Variants in HIVEP2 observed in about 807,000 individuals in gnomAD.
HIVEP2 encodes transcription factor HIVEP2.
A neutral mutation model predicts 180.7 loss-of-function variants in HIVEP2; 14 were observed. The ratio of observed to expected loss-of-function variants is 0.08; its 90% confidence interval spans 0.05 to 0.12. The LOEUF (loss-of-function observed/expected upper bound fraction) is 0.12. Among genes scored for constraint, HIVEP2 ranks in the 10% least tolerant of loss-of-function variants. The pLI is 1.00. For synonymous variants in HIVEP2, 1,184 were observed against 1,136.4 expected (o/e 1.04, Z -0.84); for missense variants, 2,579 against 3,008.5 (o/e 0.86, Z 3.34).
Position 142,772,997 on chromosome 6 carries a change from G to A in HIVEP2, c.1742C>T (p.Thr581Ile), listed in dbSNP as rs765185884. ...CATGCGCTGAGGGGGTATGCCCACG[G>A]TCCCTGGATAGAATACATCGTCGGA... is the stretch of plus-strand genomic sequence containing the variant. Reference protein sequence around the residue: ...TGSDDVFYPGTVGIPPQRMLR... With the variant: ...TGSDDVFYPGIVGIPPQRMLR... The change falls in exon 5 of 10, where the codon ACC becomes ATC. Residue 581 changes from threonine to isoleucine, a missense_variant. Transcript: ENST00000367603. This position sits in a 1 kb window ranked among gnomAD's most constrained non-coding sequence, Gnocchi z 4.9. The A allele has an allele frequency of 2.5e-6, 4 of 1,614,134 alleles. No individual in the cohort carries two copies. In the East Asian group the frequency reaches 8.9e-5, roughly 36 times the overall value.
At position 142,753,014 on chromosome 6, in the gene HIVEP2, A is replaced by G. The variant is rs1305866607; in HGVS notation, c.*93T>C. 1.3e-6 allele frequency: 1 copy of G among 746,008 alleles called. No homozygotes were observed. The highest frequency in any genetic ancestry group is 2.4e-6 in the Non-Finnish European group (1 of 421,280). 46.2% of individuals were successfully genotyped at this position (746,008 alleles called of 1,614,324 possible). A position where few individuals can be genotyped will look rare whatever the true frequency, so the allele number is the denominator to read the frequency against. ...ATAGCAAACTACTGTAACTTAGGACAGGCATGCTATAAACTGGATTACCTC... is the reference window on the plus strand; with the variant it reads ...ATAGCAAACTACTGTAACTTAGGACGGGCATGCTATAAACTGGATTACCTC... On this transcript the variant is annotated 3_prime_UTR_variant, in exon 10 of 10. Coordinates refer to ENST00000367603, the MANE Select transcript of HIVEP2 (RefSeq NM_006734.4).
intron 1 of HIVEP2, among the ~76,000 whole-genome samples, chr6:142,859,278 G>A (rs184323766): frequency 5.9e-4 from 89 of 152,018 alleles, no homozygotes; most frequent in African/African-American, 2.0e-3. Flanking sequence ...GACCAGCCTG[G>A]GCAACAAAGG....
At chr6:142,817,792 G>A (rs954516052) in intron 2 of HIVEP2, among the ~76,000 whole-genome samples, 21 of 152,148 alleles carry the variant, frequency 1.4e-4, no homozygotes, top group Admixed American at 1.4e-3. Flanking sequence ...GCTGAAGCAG[G>A]GGGATAGCCT....
At chr6:142,818,771 AAGAAAG>A (rs1776937261) in intron 2 of HIVEP2, among the ~76,000 whole-genome samples, 1 of 148,518 alleles carries the variant, frequency 6.7e-6, no homozygotes, top group Non-Finnish European at 1.5e-5. Context: ...GAAAGAAAGA[AAGAAAG>A]AAAGAAAGAA....
At chr6:142,783,839 G>A (rs1775919107) in intron 2 of HIVEP2, among the ~76,000 whole-genome samples, 1 of 151,932 alleles carries the variant, frequency 6.6e-6, no homozygotes, top group Admixed American at 6.5e-5. Context: ...GGAATTCCCT[G>A]TAACAGTGAA....
Position 142,924,950 on chromosome 6 carries a change from A to C in HIVEP2, c.-641+20149T>G, listed in dbSNP as rs181587683. ...AAATCTGGAGTAACTGGTCCCTATA[A>C]TACTACTACTAAATACTTTCATAGT... On this transcript the variant is annotated intron_variant, in intron 1 of 9. Transcript: ENST00000367603. Among the ~76,000 whole-genome samples the C allele has an allele frequency of 2.6e-3, 392 of 152,306 alleles. 3 individuals are homozygous for C. Among genetic ancestry groups the C allele is most frequent in the Admixed American group, 0.012 (180 of 15,308 alleles).
chr6:142,793,553 A>C (rs779716471), intron 2 of HIVEP2, among the ~76,000 whole-genome samples: 1 of 152,066 alleles, frequency 6.6e-6, no homozygotes, highest in African/African-American at 2.4e-5. Flanking sequence ...ATTAAAAAGG[A>C]ACTCCATGTT....
rs1271790101 is a variant in HIVEP2 at position 142,774,529 on chromosome 6, G to A, written c.210C>T (p.Ala70=). 1.2e-6 allele frequency: 2 copies of A among 1,614,180 alleles called. No individual in the cohort carries two copies. Among genetic ancestry groups the A allele is most frequent in the Non-Finnish European group, 1.7e-6 (2 of 1,180,034 alleles). ...SAQLFGSGKL[A]SPSEVVQQVA... is the part of the protein sequence containing the mutation. The stretch of plus-strand genomic sequence containing the variant: ...CTTGCTGCACCACTTCACTAGGGGA[G>A]GCCAGTTTCCCAGAACCAAACAGTT... The change falls in exon 5 of 10, where the codon GCC becomes GCT. Residue 70 remains alanine (A), a synonymous_variant. Coordinates refer to ENST00000367603, the MANE Select transcript of HIVEP2 (RefSeq NM_006734.4). The surrounding 1 kb of genome is among the most constrained non-coding windows in gnomAD (Gnocchi z 5.1).
intron 1 of HIVEP2, among the ~76,000 whole-genome samples, chr6:142,909,064 G>C (rs1282924033): frequency 6.6e-6 from 1 of 152,124 alleles, no homozygotes; most frequent in East Asian, 1.9e-4. Context: ...TATCATTTTA[G>C]AGGTATCTAA....
chr6:142,944,371 C>A (rs1220955332), intron 1 of HIVEP2, among the ~76,000 whole-genome samples: 2 of 148,604 alleles, frequency 1.3e-5, no homozygotes, highest in South Asian at 2.1e-4. Context: ...ACCCCCCCCC[C>A]CCACCAAATA....
chr6:142,887,610 A>G (rs1302948260), intron 1 of HIVEP2, among the ~76,000 whole-genome samples: 2 of 152,218 alleles, frequency 1.3e-5, no homozygotes, highest in African/African-American at 4.8e-5. Context: ...TATTTCCATC[A>G]GCACTCTTAG....
intron 1 of HIVEP2, among the ~76,000 whole-genome samples, chr6:142,912,130 C>T (rs542782776): frequency 6.6e-6 from 1 of 152,290 alleles, no homozygotes; most frequent in East Asian, 1.9e-4. Flanking sequence ...ATAAAATTAG[C>T]ATTAAATAAA....
chr6:142,923,899 T>C (rs1777738823), intron 1 of HIVEP2, among the ~76,000 whole-genome samples: 1 of 152,210 alleles, frequency 6.6e-6, no homozygotes, highest in Admixed American at 6.5e-5. Context: ...AAATATGAAA[T>C]AGGTTTAAGA....
intron 2 of HIVEP2, among the ~76,000 whole-genome samples, chr6:142,833,184 C>T (rs1334565429): frequency 8.5e-5 from 13 of 152,170 alleles, no homozygotes; most frequent in Admixed American, 7.2e-4. Context: ...AAACCAACCC[C>T]CCCACCATGA....
At chr6:142,887,030 A>C (rs1442871333) in intron 1 of HIVEP2, among the ~76,000 whole-genome samples, 1 of 152,174 alleles carries the variant, frequency 6.6e-6, no homozygotes, top group Non-Finnish European at 1.5e-5. Context: ...ACCTAAATGG[A>C]AATGTTCACT....
chr6:142,937,749 G>T (rs534976711), intron 1 of HIVEP2, among the ~76,000 whole-genome samples: 1 of 152,306 alleles, frequency 6.6e-6, no homozygotes, highest in South Asian at 2.1e-4. Context: ...TTGGAATCCT[G>T]CTTCACCAAT....
chr6:142,814,561 G>A (rs999079751), intron 2 of HIVEP2, among the ~76,000 whole-genome samples: 1 of 152,096 alleles, frequency 6.6e-6, no homozygotes, highest in Non-Finnish European at 1.5e-5. Context: ...TTTGGGAATC[G>A]GTTATATGTG....
At chr6:142,767,786 A>T (rs909088228) in intron 6 of HIVEP2, among the ~76,000 whole-genome samples, 1 of 152,202 alleles carries the variant, frequency 6.6e-6, no homozygotes, top group African/African-American at 2.4e-5. Context: ...AGGACTCAAG[A>T]TTTGAAAAGA....
chr6:142,757,094 C>A (rs1000611563), intron 9 of HIVEP2, among the ~76,000 whole-genome samples: 1 of 152,148 alleles, frequency 6.6e-6, no homozygotes, highest in Admixed American at 6.5e-5. Flanking sequence ...TTCTTCCCAA[C>A]CTGTGTTGGC....
Sources: gnomAD v4.1 joint callset for allele counts (sites outside exome capture counted in the v4.1 genomes callset) on GRCh38, gnomAD v4.1.1 for gene constraint, Gnocchi (gnomAD v3.1) non-coding constraint, MANE v1.5 for transcripts, NCBI Gene and HGNC (gene_info 2026-07-23, HGNC 2026-07-21) for gene names.